Variants in MYRFL observed in about 807,000 individuals in gnomAD.
The protein encoded by MYRFL is myelin regulatory factor-like protein.
A neutral mutation model predicts 109.4 loss-of-function variants in MYRFL; 88 were observed. That is an observed-to-expected ratio of 0.80 (90% CI 0.68 to 0.96). The LOEUF (loss-of-function observed/expected upper bound fraction) is 0.96. Among genes scored for constraint, MYRFL ranks in the 40% least tolerant of loss-of-function variants. MYRFL has a pLI of 0.00. For missense variants in MYRFL, 957 were observed against 954.9 expected, an observed-to-expected ratio of 1.00 and a Z score of -0.03; for synonymous variants, 324 against 320.9, an observed-to-expected ratio of 1.01 and a Z score of -0.10.
chr12:69,862,756 G>A (rs375755293), intron 2 of MYRFL, among the ~76,000 whole-genome samples: 2 of 152,104 alleles, frequency 1.3e-5, no homozygotes, highest in Non-Finnish European at 2.9e-5. Flanking sequence ...TCTCCTGCCT[G>A]ATTGCCCTGG....
intron 1 of MYRFL, among the ~76,000 whole-genome samples, chr12:69,837,660 C>T (rs965430857): frequency 6.6e-6 from 1 of 152,194 alleles, no homozygotes; most frequent in Non-Finnish European, 1.5e-5. Context: ...GCCTGACTTG[C>T]AGTTTTCTAA....
intron 2 of MYRFL, among the ~76,000 whole-genome samples, chr12:69,859,442 A>G (rs1185570841): frequency 6.6e-6 from 1 of 152,208 alleles, no homozygotes; most frequent in Non-Finnish European, 1.5e-5. Flanking sequence ...GAAATGTTGA[A>G]GTCTTCAAGT....
intron 12 of MYRFL, among the ~76,000 whole-genome samples, chr12:69,910,550 A>G (rs946367956): frequency 6.6e-6 from 1 of 151,958 alleles, no homozygotes; most frequent in African/African-American, 2.4e-5. Context: ...AGGAAAAGAA[A>G]GGAAATCAAG....
chr12:69,934,415 A>AGTG (rs1955380228), intron 16 of MYRFL, among the ~76,000 whole-genome samples: 1 of 152,148 alleles, frequency 6.6e-6, no homozygotes, highest in Non-Finnish European at 1.5e-5. Flanking sequence ...GGTGCTAATT[A>AGTG]GTGTTTTTAG....
chr12:69,937,199 TAATC>T (rs1327956022), intron 19 of MYRFL, among the ~76,000 whole-genome samples: 1 of 152,112 alleles, frequency 6.6e-6, no homozygotes, highest in African/African-American at 2.4e-5. Context: ...TATAGAAACT[TAATC>T]AAGGGCTGCA....
chr12:69,844,879 A>T (rs2136317987), intron 1 of MYRFL, among the ~76,000 whole-genome samples: 1 of 152,088 alleles, frequency 6.6e-6, no homozygotes, highest in East Asian at 1.9e-4. Context: ...TCGTCCCCTT[A>T]TAATCTTCCC....
Position 69,927,727 on chromosome 12 carries a change from C to T in MYRFL, c.1809C>T (p.Ala603=), listed in dbSNP as rs766237190. The T allele has an allele frequency of 7.2e-6, 11 of 1,529,866 alleles. No homozygotes were observed. Among genetic ancestry groups the T allele is most frequent in the South Asian group, 6.0e-5 (5 of 82,884 alleles). 94.8% of individuals were successfully genotyped at this position (1,529,866 alleles called of 1,614,324 possible). A position where few individuals can be genotyped will look rare whatever the true frequency, so the allele number is the denominator to read the frequency against. ...RAVSASSPRR[A]VHKKNNKVYF... ...TTAGTGCATCTTCTCCAAGAAGGGC[C>T]GTTCATAAAAAAAACAACAAGGTAA... Residue 603 remains alanine (A), a synonymous_variant, in exon 15 of 25, where the codon GCC becomes GCT. Transcript: ENST00000552032.
At chr12:69,943,945 A>C (rs1274446556) in intron 19 of MYRFL, among the ~76,000 whole-genome samples, 2 of 149,550 alleles carry the variant, frequency 1.3e-5, no homozygotes, top group African/African-American at 4.9e-5. Flanking sequence ...GCTCATCATC[A>C]CTGGCCATCA....
At chr12:69,954,680 A>G (rs1169009605) in intron 21 of MYRFL, among the ~76,000 whole-genome samples, 2 of 152,206 alleles carry the variant, frequency 1.3e-5, no homozygotes, top group Non-Finnish European at 2.9e-5. Context: ...TTGTTTTTCC[A>G]TGTAATTCAA....
At chr12:69,878,856 G>A (rs1017072075) in intron 2 of MYRFL, among the ~76,000 whole-genome samples, 172 bp from the exon 3 acceptor site, 1 of 152,056 alleles carries the variant, frequency 6.6e-6, no homozygotes, top group South Asian at 2.1e-4. Flanking sequence ...ACCAGGACAC[G>A]ACCTTGGGCC....
rs562217765 is a variant in MYRFL at position 69,852,725 on chromosome 12, G to C, written c.47-2555G>C. Among the ~76,000 whole-genome samples the C allele has an allele frequency of 8.6e-5, 13 of 151,936 alleles. No homozygotes were observed. In the East Asian group the frequency reaches 2.5e-3, roughly 29 times the overall value. On this transcript the variant is annotated intron_variant, in intron 1 of 24. Transcript: ENST00000552032. ...GGGTCTCTGGTTTTCCTAGGCAGAG[G>C]ACCCTGCCGCCTTCCGCAGTGTTTG...
intron 13 of MYRFL, among the ~76,000 whole-genome samples, chr12:69,913,057 T>C (rs1954622264): frequency 6.6e-6 from 1 of 152,210 alleles, no homozygotes; most frequent in Non-Finnish European, 1.5e-5. Flanking sequence ...CCTTAATGAT[T>C]AGTGATGTTG....
chr12:69,860,311 T>C (rs1240835424), intron 2 of MYRFL, among the ~76,000 whole-genome samples: 1 of 152,216 alleles, frequency 6.6e-6, no homozygotes, highest in Non-Finnish European at 1.5e-5. Flanking sequence ...TAGTATTCCA[T>C]GGTGTATATT....
intron 19 of MYRFL, among the ~76,000 whole-genome samples, chr12:69,937,048 A>G (rs1955491258): frequency 1.3e-5 from 2 of 152,198 alleles, no homozygotes; most frequent in Non-Finnish European, 2.9e-5. Flanking sequence ...TTTAGAGTTC[A>G]GGGTGAGATT....
At chr12:69,834,738 T>C (rs1882835825) in intron 1 of MYRFL, among the ~76,000 whole-genome samples, 1 of 152,216 alleles carries the variant, frequency 6.6e-6, no homozygotes, top group Non-Finnish European at 1.5e-5. Flanking sequence ...TTAAAAGTTT[T>C]ACATGTTCAC....
chr12:69,857,134 C>T (rs915084456), intron 2 of MYRFL, among the ~76,000 whole-genome samples: 31 of 151,780 alleles, frequency 2.0e-4, no homozygotes, highest in Non-Finnish European at 1.0e-4. Flanking sequence ...AACTTTCTTT[C>T]ATTAAATTAC....
At chr12:69,834,339 A>C (rs1050299099) in intron 1 of MYRFL, among the ~76,000 whole-genome samples, 1 of 152,222 alleles carries the variant, frequency 6.6e-6, no homozygotes, top group African/African-American at 2.4e-5. Context: ...TCGTAGGGTT[A>C]AAGCTACCAA....
intron 23 of MYRFL, 148 bp from the exon 24 acceptor site, chr12:69,958,101 G>A (rs1284825654): frequency 8.6e-7 from 1 of 1,169,168 alleles, no homozygotes; most frequent in Non-Finnish European, 1.2e-6. Context: ...CTGTTCTGTT[G>A]CTAGGACTGT....
At chr12:69,953,367 T>G (rs1295235424) in intron 21 of MYRFL, among the ~76,000 whole-genome samples, 2 of 152,174 alleles carry the variant, frequency 1.3e-5, no homozygotes, top group Non-Finnish European at 2.9e-5. Flanking sequence ...TATCGGGACA[T>G]CCATCTCCAG....
Sources: gnomAD v4.1 joint callset for allele counts (sites outside exome capture counted in the v4.1 genomes callset) on GRCh38, gnomAD v4.1.1 for gene constraint, MANE v1.5 for transcripts, NCBI Gene and HGNC (gene_info 2026-07-23, HGNC 2026-07-21) for gene names.